TUT4: variants seen among roughly 807,000 people sequenced by gnomAD.
The protein encoded by TUT4 is terminal uridylyltransferase 4.
Under a neutral mutation model 192.2 loss-of-function variants are expected in TUT4, and 36 were observed. The observed-to-expected ratio is 0.19, with a 90% CI of 0.14 to 0.25. The LOEUF is 0.25. Among genes scored for constraint, TUT4 ranks in the 10% least tolerant of loss-of-function variants. The probability of loss-of-function intolerance (pLI) is 1.00; values close to 1 mark genes in which losing one functional copy is unlikely to be tolerated. For synonymous variants in TUT4, 618 were observed against 666.0 expected (o/e 0.93, Z 1.11); for missense variants, 1,493 against 1,957.2 (o/e 0.76, Z 4.47).
rs528819988 is a variant in TUT4, at chr1:52,540,779, C to G, written c.-94+12152G>C. On this transcript the variant is annotated intron_variant, in intron 1 of 29. Transcript: ENST00000257177. ...TGTCTCTAAGCCTAAATCAGTAATT[C>G]TCAAACTTTTTGGTCTCAGAATACC... is the stretch of plus-strand genomic sequence containing the variant. 1.8e-4 allele frequency among the ~76,000 whole-genome samples: 27 copies of G among 152,274 alleles called. No homozygotes were observed. In the South Asian group the frequency reaches 5.4e-3, roughly 30 times the overall value.
Position 52,475,206 on chromosome 1 carries a change from CCAA to C in TUT4, c.2350_2352del (p.Leu784del). 6.2e-7 allele frequency: 1 copy of C among 1,614,056 alleles called. No homozygotes were observed. Among genetic ancestry groups the C allele is most frequent in the Non-Finnish European group, 8.5e-7 (1 of 1,180,008 alleles). ...TGGTCAGCAAAATCTAGTTCATTTACCAACAAATTGTTGTTGTCAATAATACAT... is the reference window on the plus strand; with the variant it reads ...TGGTCAGCAAAATCTAGTTCATTTACCAAATTGTTGTTGTCAATAATACAT... On this transcript the variant is annotated inframe_deletion, in exon 13 of 30. Coordinates refer to ENST00000257177, the MANE Select transcript of TUT4 (RefSeq NM_001009881.3).
intron 2 of TUT4, among the ~76,000 whole-genome samples, chr1:52,519,304 A>G (rs921273505): frequency 2.0e-5 from 3 of 152,188 alleles, no homozygotes; most frequent in African/African-American, 7.2e-5. Context: ...TTTCATTTAT[A>G]TAAAATAGGT....
intron 1 of TUT4, among the ~76,000 whole-genome samples, chr1:52,528,350 C>T (rs181288415): frequency 2.4e-4 from 37 of 151,866 alleles, no homozygotes; most frequent in Admixed American, 2.2e-3. Flanking sequence ...AATTAGCCGG[C>T]CACTGTGGCA....
intron 3 of TUT4, among the ~76,000 whole-genome samples, chr1:52,512,013 A>G (rs1677304336): frequency 6.6e-6 from 1 of 152,244 alleles, no homozygotes; most frequent in Non-Finnish European, 1.5e-5. Context: ...GCATACATAC[A>G]GAATACCTAA....
chr1:52,491,933 T>C (rs112190610), intron 7 of TUT4, among the ~76,000 whole-genome samples: 1,868 of 152,274 alleles, frequency 0.012, 34 homozygotes, highest in African/African-American at 0.043. Context: ...AGGTGACCTG[T>C]AGAAGATACA....
In TUT4 at chr1:52,445,963, T is replaced by G; in HGVS notation, c.3733A>C (p.Arg1245=). 6.2e-7 allele frequency: 1 copy of G among 1,607,222 alleles called. No homozygotes were observed. The highest frequency in any genetic ancestry group is 8.5e-7 in the Non-Finnish European group (1 of 1,178,184). The change falls in exon 23 of 30, where the codon AGA becomes CGA. Residue 1245 remains arginine (R), a synonymous_variant. Transcript: ENST00000257177. ...CTCTATATTTAAAACTTACTTTTTC[T>G]GGAAACTCCAGCACCAAGGTTATGA... ...LNHNLGAGVS[R]KMTNFIMKAF...
At position 52,446,274 on chromosome 1, in the gene TUT4, C is replaced by A; in HGVS notation, c.3682G>T (p.Ala1228Ser). Reference sequence around the variant, plus strand: ...TCAGCTTAAATGTTACCTTCAATTGCAATGCACTTGGAAGTCCACTGCTTC... The same window carrying A: ...TCAGCTTAAATGTTACCTTCAATTGAAATGCACTTGGAAGTCCACTGCTTC... ...FEKQWTSKCIAIEDPFDLNHN... is the reference protein window; with the variant it reads ...FEKQWTSKCISIEDPFDLNHN... Residue 1228 changes from alanine (A) to serine (S), a missense_variant, in exon 22 of 30, where the codon GCA becomes TCA. By Grantham distance (99) the Ala-to-Ser change is moderately conservative. Coordinates refer to ENST00000257177, the MANE Select transcript of TUT4 (RefSeq NM_001009881.3). 6.2e-7 allele frequency: 1 copy of A among 1,606,420 alleles called. No individual in the cohort carries two copies. Among genetic ancestry groups the A allele is most frequent in the Non-Finnish European group, 8.5e-7 (1 of 1,177,866 alleles).
intron 13 of TUT4, among the ~76,000 whole-genome samples, chr1:52,472,841 T>C (rs1049040033): frequency 4.6e-5 from 7 of 152,084 alleles, no homozygotes; most frequent in East Asian, 1.9e-4. Flanking sequence ...CTTTTCTTTA[T>C]TGTAATATGC....
chr1:52,494,117 T>C (rs1430688689), intron 6 of TUT4, among the ~76,000 whole-genome samples: 1 of 152,148 alleles, frequency 6.6e-6, no homozygotes, highest in Non-Finnish European at 1.5e-5. Flanking sequence ...TTTACTTTTA[T>C]GTCAACAAAT....
Position 52,442,341 on chromosome 1 carries a change from A to G in TUT4, c.3822+3446T>C, listed in dbSNP as rs139338165. ...AGAACAAGAAAGATGAAAGGACAGG[A>G]AATATACTTATCTTTATCTTTCATT... On this transcript the variant is annotated intron_variant, in intron 24 of 29. Transcript: ENST00000257177. Among the ~76,000 whole-genome samples, 827 of 152,260 alleles carry G rather than the reference A, an allele frequency of 5.4e-3. 8 individuals carry two copies. Among genetic ancestry groups the G allele is most frequent in the African/African-American group, 0.019 (769 of 41,538 alleles).
rs527656276 is a variant in TUT4 at position 52,487,173 on chromosome 1, C to T, written c.1515+1736G>A. On this transcript the variant is annotated intron_variant, in intron 9 of 29. Coordinates refer to ENST00000257177, the MANE Select transcript of TUT4 (RefSeq NM_001009881.3). ...CTTGAAGACTTAGCAAAGCTGGGTG[C>T]TGTGGCTCACACCTGTAATCCCAGC... 3.3e-5 allele frequency among the ~76,000 whole-genome samples: 5 copies of T among 152,156 alleles called. No individual in the cohort carries two copies. In the Middle Eastern group the frequency reaches 0.01, roughly 311 times the overall value.
intron 4 of TUT4, among the ~76,000 whole-genome samples, chr1:52,502,317 A>C (rs1434984224): frequency 3.3e-5 from 5 of 152,090 alleles, no homozygotes; most frequent in Admixed American, 2.6e-4. Flanking sequence ...CAGTCTCCAA[A>C]TACTCTATGT....
intron 2 of TUT4, 56 bp downstream of exon 2, chr1:52,525,507 C>T: frequency 6.5e-7 from 1 of 1,534,382 alleles, no homozygotes; most frequent in Non-Finnish European, 8.7e-7. Context: ...AATGGTTAAA[C>T]CGGGGATAAT....
In TUT4 at chr1:52,435,450, C is replaced by T. The variant is rs757429088; in HGVS notation, c.4178G>A (p.Arg1393His). 50 of 1,613,868 alleles carry T rather than the reference C, an allele frequency of 3.1e-5. No individual in the cohort carries two copies. In the South Asian group the frequency reaches 4.2e-4, roughly 13 times the overall value. ...CACCTGTTGAGCATTTACAAGGTTGCGGACCAGCTGGGCTGCTAAGAGAAG... is the reference window on the plus strand; with the variant it reads ...CACCTGTTGAGCATTTACAAGGTTGTGGACCAGCTGGGCTGCTAAGAGAAG... ...NSSVAAAQLV[R>H]NLVNAQQVAG... is the part of the protein sequence containing the mutation. Residue 1393 changes from arginine to histidine, a missense_variant, in exon 27 of 30, where the codon CGC (arginine) becomes CAC (histidine). This residue lies in a region of TUT4 where 351 missense variants were observed against 397.8 expected (regional missense o/e 0.88). Transcript: ENST00000257177.
At chr1:52,515,258 C>G (rs1277874092) in intron 3 of TUT4, 1 of 152,568 alleles carries the variant, frequency 6.6e-6, no homozygotes, top group Admixed American at 6.5e-5. Context: ...TTATTTCCAT[C>G]AATCTGAATG....
intron 1 of TUT4, among the ~76,000 whole-genome samples, chr1:52,526,879 G>T (rs1681914939): frequency 6.6e-6 from 1 of 152,032 alleles, no homozygotes. Context: ...ACAAAAATTA[G>T]CCAGGCATGG....
At chr1:52,533,715 C>T (rs547349790) in intron 1 of TUT4, among the ~76,000 whole-genome samples, 31 of 152,236 alleles carry the variant, frequency 2.0e-4, no homozygotes, top group African/African-American at 4.8e-4. Flanking sequence ...CGGCTGTAAT[C>T]CGAGCACTTT....
rs749979061 is a variant in TUT4, at chr1:52,526,154, T to C, written c.127A>G (p.Lys43Glu). ...TLKARNDKSV[K>E]EIENSSPNRN... ...TTTGGAGAGCTGTTCTCAATTTCTT[T>C]TACGGATTTATCATTTCTAGCTTTC... is the stretch of plus-strand genomic sequence containing the variant. The change falls in exon 2 of 30, where the codon AAA becomes GAA. Residue 43 changes from lysine to glutamate, a missense_variant. Physicochemically the swap from Lys to Glu is moderately conservative, Grantham distance 56. Around this residue, in one of 7 missense-constraint regions of TUT4, gnomAD observed 260 missense variants for 247.8 expected, o/e 1.05. Coordinates refer to ENST00000257177, the MANE Select transcript of TUT4 (RefSeq NM_001009881.3). 3.1e-6 allele frequency: 5 copies of C among 1,612,760 alleles called. No individual in the cohort carries two copies. The highest frequency in any genetic ancestry group is 1.3e-5 in the African/African-American group (1 of 74,932).
chr1:52,467,007 T>C (rs1664412289), intron 15 of TUT4, among the ~76,000 whole-genome samples: 2 of 151,616 alleles, frequency 1.3e-5, no homozygotes, highest in South Asian at 4.2e-4. Flanking sequence ...TAGCTAAGCA[T>C]GGTGGCACAC....
Sources: gnomAD v4.1 joint callset for allele counts (sites outside exome capture counted in the v4.1 genomes callset) on GRCh38, gnomAD v4.1.1 for gene constraint, gnomAD v4.1.1 regional missense constraint, MANE v1.5 for transcripts, NCBI Gene and HGNC (gene_info 2026-07-23, HGNC 2026-07-21) for gene names.